Variants in NDUFAF1 observed in about 807,000 individuals in gnomAD.
NDUFAF1 encodes the protein NADH:ubiquinone oxidoreductase complex assembly factor 1.
A neutral mutation model predicts 28.7 loss-of-function variants in NDUFAF1; 18 were observed. That is an observed-to-expected ratio of 0.63 (90% CI 0.43 to 0.93). The LOEUF (loss-of-function observed/expected upper bound fraction) is 0.93, where lower values mean the gene tolerates loss of function less well. Among genes scored for constraint, NDUFAF1 ranks in the 40% least tolerant of loss-of-function variants. NDUFAF1 has a pLI of 0.00. For missense variants in NDUFAF1, 404 were observed against 398.3 expected (o/e 1.01, Z -0.12); for synonymous variants, 113 against 139.7 (o/e 0.81, Z 1.35).
At chr15:41,391,329 A>G (rs2050313153) in intron 3 of NDUFAF1, among the ~76,000 whole-genome samples, 1 of 152,026 alleles carries the variant, frequency 6.6e-6, no homozygotes, top group Non-Finnish European at 1.5e-5. Flanking sequence ...CAGAATTTAC[A>G]GAATTTAGGG....
chr15:41,388,004 G>A (rs891649191), intron 4 of NDUFAF1, among the ~76,000 whole-genome samples: 2 of 152,122 alleles, frequency 1.3e-5, no homozygotes, highest in African/African-American at 4.8e-5. Context: ...CAGCTACTCA[G>A]GAGACTGAGG....
In NDUFAF1 at chr15:41,402,187, A is replaced by G. The variant is rs1237219482; in HGVS notation, c.-125T>C. The G allele has an allele frequency of 2.2e-6, 1 of 454,004 alleles. No homozygotes were observed. The highest frequency in any genetic ancestry group is 4.4e-6 in the Non-Finnish European group (1 of 226,778). The allele number at this position is 454,004 out of a possible 1,614,324, so 28.1% of individuals were successfully genotyped here. A position where few individuals can be genotyped will look rare whatever the true frequency, so the allele number is the denominator to read the frequency against. On this transcript the variant is annotated 5_prime_UTR_variant, in exon 1 of 5. Transcript: ENST00000260361. ...CTAAGTGTTTCACTGACGGCTCACA[A>G]CAATCCTGAGAGAGGTACTATTATT... is the stretch of plus-strand genomic sequence containing the variant.
chr15:41,387,637 C>G (rs200813281), intron 4 of NDUFAF1, 44 bp from the exon 5 acceptor site: 6 of 1,502,068 alleles, frequency 4.0e-6, no homozygotes, highest in African/African-American at 2.7e-5. Flanking sequence ...CATACAGTGA[C>G]GTACTGAGAT....
rs1438723695 is a variant in NDUFAF1 at position 41,397,046 on chromosome 15, T to C, written c.14A>G (p.His5Arg). The change falls in exon 2 of 5, where the codon CAC becomes CGC. Residue 5 changes from histidine (H) to arginine (R), a missense_variant. Transcript: ENST00000260361. ...AAAATAAGTACCACGCAGCAATTTG[T>C]GAACCAAAGCCATGGTACAAAAAAA... is the stretch of plus-strand genomic sequence containing the variant. The part of the protein sequence containing the change: MALV[H>R]KLLRGTYFLR... 1.2e-6 allele frequency: 2 copies of C among 1,613,524 alleles called. No homozygotes were observed. Among genetic ancestry groups the C allele is most frequent in the Non-Finnish European group, 1.7e-6 (2 of 1,179,900 alleles).
At chr15:41,402,773 C>G (rs1040379595), upstream of NDUFAF1, among the ~76,000 whole-genome samples, 2 of 149,154 alleles carry the variant, frequency 1.3e-5, no homozygotes, top group Non-Finnish European at 3.0e-5. Flanking sequence ...GCTCTGTCGC[C>G]CAGGCTGGAG....
At chr15:41,394,325 C>T (rs753896137) in intron 3 of NDUFAF1, 44 of 1,287,298 alleles carry the variant, frequency 3.4e-5, no homozygotes, top group Non-Finnish European at 4.4e-5. Context: ...TGAGCCACCA[C>T]GCAGGCCTAG....
At chr15:41,398,182 T>C (rs1335982462) in intron 1 of NDUFAF1, among the ~76,000 whole-genome samples, 1 of 151,540 alleles carries the variant, frequency 6.6e-6, no homozygotes, top group Non-Finnish European at 1.5e-5. Context: ...CTTTTTTTTT[T>C]CTTTTCTTTT....
chr15:41,401,272 T>C (rs2050459234), intron 1 of NDUFAF1, among the ~76,000 whole-genome samples: 1 of 142,476 alleles, frequency 7.0e-6, no homozygotes, highest in African/African-American at 2.6e-5. Context: ...CCAACCTTTT[T>C]TTTTTTTTTT....
chr15:41,402,831 A>G (rs1333819229), upstream of NDUFAF1, among the ~76,000 whole-genome samples: 1 of 147,136 alleles, frequency 6.8e-6, no homozygotes, highest in African/African-American at 2.5e-5. Context: ...TCCCAGATTC[A>G]AGCGATTCTC....
intron 3 of NDUFAF1, among the ~76,000 whole-genome samples, chr15:41,389,032 G>A (rs1304290044): frequency 6.6e-6 from 1 of 151,886 alleles, no homozygotes; most frequent in East Asian, 1.9e-4. Flanking sequence ...TCTTCTCTAT[G>A]TAATTTACTT....
chr15:41,396,451 T>C (rs745331309), intron 2 of NDUFAF1, 36 bp downstream of exon 2: 53 of 1,592,064 alleles, frequency 3.3e-5, no homozygotes, highest in Non-Finnish European at 4.4e-5. Context: ...TTCACCCCTG[T>C]TTACTAGAAA....
chr15:41,391,849 G>A (rs1040099008), intron 3 of NDUFAF1, among the ~76,000 whole-genome samples: 1 of 151,992 alleles, frequency 6.6e-6, no homozygotes, highest in African/African-American at 2.4e-5. Context: ...AGAGAAAGCA[G>A]GTGAAGACAT....
intron 3 of NDUFAF1, among the ~76,000 whole-genome samples, chr15:41,388,869 A>T (rs772685931): frequency 6.6e-6 from 1 of 151,858 alleles, no homozygotes; most frequent in Non-Finnish European, 1.5e-5. Flanking sequence ...CCTGGGCGAT[A>T]GAGCTAGATT....
At position 41,402,485 on chromosome 15, in the gene NDUFAF1, C is replaced by T. The variant is rs1377980137; in HGVS notation, c.-423G>A. ...TAGTGTACCTTCCGCCCAGAAGCCA[C>T]TTTACCCGTATAGGTCCATCTGCTT... On this transcript the variant is annotated 5_prime_UTR_variant, in exon 1 of 5. In the 5' UTR this introduces an upstream ATG that the reference lacks. Coordinates refer to ENST00000260361, the MANE Select transcript of NDUFAF1 (RefSeq NM_016013.4). The T allele has an allele frequency of 2.7e-6, 1 of 375,864 alleles. No homozygotes were observed. The highest frequency in any genetic ancestry group is 5.3e-6 in the Non-Finnish European group (1 of 187,732). The allele number at this position is 375,864 out of a possible 1,614,324, so 23.3% of individuals were successfully genotyped here.
intron 4 of NDUFAF1, 59 bp downstream of exon 4, chr15:41,388,389 A>G: frequency 1.8e-5 from 23 of 1,302,048 alleles, no homozygotes; most frequent in Middle Eastern, 1.8e-4. Context: ...CAGTCTCCCC[A>G]GAGTTCCGAT....
intron 1 of NDUFAF1, among the ~76,000 whole-genome samples, chr15:41,398,676 C>T (rs1216807965): frequency 7.2e-5 from 11 of 152,094 alleles, no homozygotes; most frequent in African/African-American, 1.4e-4. Flanking sequence ...AAATGTTGGC[C>T]GGGTGCCGTG....
chr15:41,401,378 C>T (rs1645065946), intron 1 of NDUFAF1, among the ~76,000 whole-genome samples: 1 of 148,898 alleles, frequency 6.7e-6, no homozygotes, highest in African/African-American at 2.5e-5. Flanking sequence ...TCAAGTGCTT[C>T]TCCTGCCTCT....
At chr15:41,402,783 G>A (rs1242988035), upstream of NDUFAF1, among the ~76,000 whole-genome samples, 2 of 145,116 alleles carry the variant, frequency 1.4e-5, no homozygotes, top group Non-Finnish European at 3.0e-5. Context: ...CCAGGCTGGA[G>A]TGCAGTGGCG....
rs1311716566 is a variant in NDUFAF1, at chr15:41,387,436, T to C, written c.*8A>G. The C allele has an allele frequency of 1.1e-5, 18 of 1,611,894 alleles. No individual in the cohort carries two copies. Among genetic ancestry groups the C allele is most frequent in the Non-Finnish European group, 1.5e-5 (18 of 1,178,320 alleles). On this transcript the variant is annotated 3_prime_UTR_variant, in exon 5 of 5. Transcript: ENST00000260361. ...TTAGATTAGTAAAACAAAACTACCATATGATCTTTATTTAAAAAGCCTTGG... is the reference window on the plus strand; with the variant it reads ...TTAGATTAGTAAAACAAAACTACCACATGATCTTTATTTAAAAAGCCTTGG...
Sources: gnomAD v4.1 joint callset for allele counts (sites outside exome capture counted in the v4.1 genomes callset) on GRCh38, gnomAD v4.1.1 for gene constraint, MANE v1.5 for transcripts, NCBI Gene and HGNC (gene_info 2026-07-23, HGNC 2026-07-21) for gene names.